Variants in ROBO1 observed in about 807,000 individuals in gnomAD.
The protein encoded by ROBO1 is roundabout homolog 1.
A neutral mutation model predicts 195.9 loss-of-function variants in ROBO1; 149 were observed. That is an observed-to-expected ratio of 0.76 (90% CI 0.67 to 0.87). The LOEUF (loss-of-function observed/expected upper bound fraction) is 0.87. Ranked by LOEUF, ROBO1 falls within the 40% of genes least tolerant of loss-of-function variation. The pLI is 0.00. For synonymous variants in ROBO1, 816 were observed against 733.2 expected (o/e 1.11, Z -1.82); for missense variants, 1,933 against 2,068.3 (o/e 0.93, Z 1.27).
At chr3:79,414,453 C>G (rs1270918090) in intron 2 of ROBO1, among the ~76,000 whole-genome samples, 2 of 152,064 alleles carry the variant, frequency 1.3e-5, no homozygotes, top group South Asian at 4.1e-4. Flanking sequence ...AAATATGACT[C>G]TCTAAAACAA....
chr3:79,609,534 G>A (rs778938955), intron 1 of ROBO1, among the ~76,000 whole-genome samples: 7 of 151,816 alleles, frequency 4.6e-5, no homozygotes, highest in Admixed American at 2.0e-4. Flanking sequence ...AGTAGGTACT[G>A]AAAAAATATT....
At chr3:78,706,894 C>A (rs112825616) in intron 8 of ROBO1, among the ~76,000 whole-genome samples, 1 of 152,074 alleles carries the variant, frequency 6.6e-6, no homozygotes, top group African/African-American at 2.4e-5. Flanking sequence ...GTAAAGCTGT[C>A]GACTGGCTGT....
In ROBO1 at chr3:79,330,671, G is replaced by GA. The variant is rs34923136; in HGVS notation, c.89-205133dup. 8.0e-3 allele frequency among the ~76,000 whole-genome samples: 617 copies of GA among 76,914 alleles called. 3 individuals are homozygous for GA. Among genetic ancestry groups the GA allele is most frequent in the East Asian group, 0.011 (26 of 2,444 alleles). The allele number at this position is 76,914 out of a possible 152,430, so 50.5% of individuals were successfully genotyped here. A position where few individuals can be genotyped will look rare whatever the true frequency, so the allele number is the denominator to read the frequency against. ...AAATATTTGCTCTCTGGAACTTAGGGAAAAAAAAAAAAAAAAAAAAAAAGC... is the reference window on the plus strand; with the variant it reads ...AAATATTTGCTCTCTGGAACTTAGGGAAAAAAAAAAAAAAAAAAAAAAAAGC... On this transcript the variant is annotated intron_variant, in intron 2 of 30. Transcript: ENST00000464233.
At chr3:78,753,495 A>C (rs2082848564) in intron 4 of ROBO1, among the ~76,000 whole-genome samples, 1 of 152,188 alleles carries the variant, frequency 6.6e-6, no homozygotes, top group African/African-American at 2.4e-5. Context: ...GTTCTAGAGA[A>C]AAGTGTACAT....
At chr3:79,000,488 G>T (rs528735771) in intron 3 of ROBO1, among the ~76,000 whole-genome samples, 1 of 152,240 alleles carries the variant, frequency 6.6e-6, no homozygotes, top group South Asian at 2.1e-4. Flanking sequence ...CTTTTCAAAA[G>T]AAGATATTTA....
chr3:78,780,251 A>G (rs1245196286), intron 4 of ROBO1, among the ~76,000 whole-genome samples: 1 of 152,194 alleles, frequency 6.6e-6, no homozygotes, highest in Non-Finnish European at 1.5e-5. Flanking sequence ...AATTTAAAGT[A>G]TAAAAAAAAA....
intron 16 of ROBO1, chr3:78,660,135 G>A (rs1314993194): frequency 5.6e-6 from 1 of 177,212 alleles, no homozygotes; most frequent in African/African-American, 2.4e-5. Flanking sequence ...TGGCCAGGCT[G>A]GTCTCGAACT....
At chr3:78,628,954 A>G (rs1400477472) in intron 25 of ROBO1, among the ~76,000 whole-genome samples, 1 of 152,170 alleles carries the variant, frequency 6.6e-6, no homozygotes, top group African/African-American at 2.4e-5. Flanking sequence ...AAATTACACT[A>G]ATATGCATCA....
chr3:79,223,231 G>C (rs952045509), intron 2 of ROBO1, among the ~76,000 whole-genome samples: 2 of 152,124 alleles, frequency 1.3e-5, no homozygotes, highest in Non-Finnish European at 2.9e-5. Context: ...GTGAATACTA[G>C]AGGATCAGAG....
chr3:79,531,695 C>T (rs913901553), intron 2 of ROBO1, among the ~76,000 whole-genome samples: 2 of 152,164 alleles, frequency 1.3e-5, no homozygotes, highest in Admixed American at 6.5e-5. Flanking sequence ...TTTTCACAGG[C>T]ATTAATAATC....
intron 14 of ROBO1, among the ~76,000 whole-genome samples, chr3:78,667,090 A>G (rs2107697325): frequency 6.6e-6 from 1 of 152,268 alleles, no homozygotes; most frequent in African/African-American, 2.4e-5. Flanking sequence ...ATCTCAAGAG[A>G]GTATTATTTG....
At chr3:78,686,110 T>G (rs1410199721) in intron 9 of ROBO1, among the ~76,000 whole-genome samples, 193 bp from the exon 10 acceptor site, 2 of 152,130 alleles carry the variant, frequency 1.3e-5, no homozygotes, top group Admixed American at 1.3e-4. Context: ...CATATATACA[T>G]GTCCATGCAT....
rs143284698 is a variant in ROBO1, at chr3:79,737,797, A to G, written c.-51+29955T>C. Among the ~76,000 whole-genome samples the G allele has an allele frequency of 7.8e-3, 1,191 of 152,334 alleles. 19 individuals carry two copies. The highest frequency in any genetic ancestry group is 8.0e-3 in the Non-Finnish European group (541 of 68,018). On this transcript the variant is annotated intron_variant, in intron 1 of 30. Coordinates refer to ENST00000464233, the MANE Select transcript of ROBO1 (RefSeq NM_002941.4). ...CTGTCAGTGCTTTCCAGCTCACCAAATGATGAATGCCATAAGGAATAAAGC... is the reference window on the plus strand; with the variant it reads ...CTGTCAGTGCTTTCCAGCTCACCAAGTGATGAATGCCATAAGGAATAAAGC...
At chr3:79,138,506 C>A (rs1402950937) in intron 2 of ROBO1, among the ~76,000 whole-genome samples, 1 of 151,936 alleles carries the variant, frequency 6.6e-6, no homozygotes, top group Non-Finnish European at 1.5e-5. Flanking sequence ...TTCAGAACTA[C>A]AGTATGGTAA....
intron 1 of ROBO1, among the ~76,000 whole-genome samples, chr3:79,709,317 G>C (rs1702183347): frequency 6.6e-6 from 1 of 151,850 alleles, no homozygotes; most frequent in Admixed American, 6.6e-5. Context: ...TTTTTTAATA[G>C]TTTATATAAT....
At chr3:78,917,551 C>T (rs1263907242) in intron 4 of ROBO1, among the ~76,000 whole-genome samples, 1 of 152,018 alleles carries the variant, frequency 6.6e-6, no homozygotes, top group African/African-American at 2.4e-5. Flanking sequence ...ACTAGTTTTG[C>T]ATCTAGAAAT....
intron 4 of ROBO1, among the ~76,000 whole-genome samples, chr3:78,839,554 G>C (rs964505984): frequency 6.6e-6 from 1 of 151,776 alleles, no homozygotes; most frequent in Non-Finnish European, 1.5e-5. Context: ...AAGACAAATA[G>C]TAATATTCAT....
chr3:78,611,232 G>A (rs1236912364), intron 28 of ROBO1, among the ~76,000 whole-genome samples: 1 of 152,138 alleles, frequency 6.6e-6, no homozygotes, highest in Non-Finnish European at 1.5e-5. Flanking sequence ...TGTAATTAAT[G>A]ATAAATCAAG....
chr3:79,631,083 C>A (rs919321756), intron 1 of ROBO1, among the ~76,000 whole-genome samples: 1 of 151,684 alleles, frequency 6.6e-6, no homozygotes, highest in African/African-American at 2.4e-5. Context: ...CCAAATCAAT[C>A]AACAGATTCA....
Sources: allele counts gnomAD v4.1 joint callset (sites outside exome capture counted in the v4.1 genomes callset), GRCh38; gene constraint gnomAD v4.1.1; transcripts MANE v1.5; gene names NCBI Gene and HGNC (gene_info 2026-07-23, HGNC 2026-07-21).